MROH9: variants seen among roughly 807,000 people sequenced by gnomAD.
The protein encoded by MROH9 is maestro heat-like repeat-containing protein family member 9.
MROH9 carries 92 observed loss-of-function variants against 98.2 expected under a neutral mutation model. The observed-to-expected ratio is 0.94, with a 90% CI of 0.79 to 1.11. The LOEUF (loss-of-function observed/expected upper bound fraction) is 1.11, where lower values mean the gene tolerates loss of function less well. Ranked by LOEUF, MROH9 falls within the 50% of genes most tolerant of loss-of-function variation. MROH9 has a pLI of 0.00. For synonymous variants in MROH9, 397 were observed against 368.9 expected, an observed-to-expected ratio of 1.08 and a Z score of -0.87; for missense variants, 1,057 against 1,014.8, an observed-to-expected ratio of 1.04 and a Z score of -0.57.
intron 20 of MROH9, among the ~76,000 whole-genome samples, chr1:171,040,805 T>C (rs1653271709): frequency 6.6e-6 from 1 of 152,124 alleles, no homozygotes. Context: ...TCCATCTGGT[T>C]GTTAAAATCA....
intron 17 of MROH9, among the ~76,000 whole-genome samples, chr1:171,022,403 A>G (rs1264043444): frequency 6.6e-6 from 1 of 152,214 alleles, no homozygotes; most frequent in Non-Finnish European, 1.5e-5. Context: ...TACACCGTGG[A>G]CTACTATGCA....
intron 8 of MROH9, among the ~76,000 whole-genome samples, chr1:170,981,662 C>T (rs1650934734): frequency 6.6e-6 from 1 of 151,294 alleles, no homozygotes; most frequent in Non-Finnish European, 1.5e-5. Context: ...GTGCAGCAAA[C>T]CACCACAGCA....
At position 171,059,407 on chromosome 1, in the gene MROH9, G is replaced by T. The variant is rs1332626040; in HGVS notation, c.2282-2725G>T. On this transcript the variant is annotated intron_variant, in intron 20 of 21. Transcript: ENST00000367759. ...AGAAACAATAGATGCTGGCGAGGCT[G>T]TGGAGAAATAGGAATGCTTTTACAC... Among the ~76,000 whole-genome samples the T allele has an allele frequency of 4.6e-5, 7 of 152,348 alleles. No homozygotes were observed. The South Asian group carries it at 6.2e-4, about 14-fold the overall frequency.
At chr1:171,019,642 C>G (rs1340958691) in intron 17 of MROH9, among the ~76,000 whole-genome samples, 1 of 150,292 alleles carries the variant, frequency 6.7e-6, no homozygotes, top group Non-Finnish European at 1.5e-5. Flanking sequence ...CAGAACGAGA[C>G]TCCATCAAAA....
At chr1:170,953,185 T>A (rs1351095747) in intron 3 of MROH9, among the ~76,000 whole-genome samples, 2 of 152,130 alleles carry the variant, frequency 1.3e-5, no homozygotes, top group African/African-American at 4.8e-5. Context: ...TTAGTAAAGT[T>A]TTTTCTTCAT....
At chr1:171,016,647 T>C (rs960173820) in intron 17 of MROH9, among the ~76,000 whole-genome samples, 3 of 152,136 alleles carry the variant, frequency 2.0e-5, no homozygotes, top group African/African-American at 7.2e-5. Flanking sequence ...CACCTCTTAT[T>C]GGCTATGAAA....
At chr1:171,017,176 A>G (rs1424350803) in intron 17 of MROH9, among the ~76,000 whole-genome samples, 10 of 152,262 alleles carry the variant, frequency 6.6e-5, no homozygotes. Flanking sequence ...AAGCAGCAGC[A>G]TCCGGAAGCT....
intron 20 of MROH9, among the ~76,000 whole-genome samples, chr1:171,027,042 T>A (rs1344868806): frequency 1.3e-5 from 2 of 152,200 alleles, no homozygotes; most frequent in Non-Finnish European, 2.9e-5. Context: ...TTGAGAAATG[T>A]TAGCAAAATC....
chr1:170,953,040 A>G (rs1468240562), intron 3 of MROH9, among the ~76,000 whole-genome samples: 1 of 152,122 alleles, frequency 6.6e-6, no homozygotes, highest in African/African-American at 2.4e-5. Flanking sequence ...TTTGAAATAT[A>G]CTTGTCAAAT....
At chr1:170,983,342 A>G in intron 8 of MROH9, 80 bp from the exon 9 acceptor site, 1 of 989,844 alleles carries the variant, frequency 1.0e-6, no homozygotes, top group Non-Finnish European at 1.5e-6. Flanking sequence ...TGGGCAGGAA[A>G]AGAAAATTGG....
intron 20 of MROH9, among the ~76,000 whole-genome samples, chr1:171,043,638 G>A (rs76763766): frequency 0.01 from 1,586 of 151,362 alleles, 29 homozygotes; most frequent in African/African-American, 0.036. Flanking sequence ...TCATTTCTTG[G>A]TGTCTTCTTC....
intron 20 of MROH9, among the ~76,000 whole-genome samples, chr1:171,059,962 A>G (rs1653964057): frequency 6.6e-6 from 1 of 152,036 alleles, no homozygotes; most frequent in African/African-American, 2.4e-5. Context: ...AAGGTTATAT[A>G]TGCACTCACA....
intron 1 of MROH9, among the ~76,000 whole-genome samples, chr1:170,937,745 G>A (rs915341424): frequency 5.9e-5 from 9 of 151,760 alleles, no homozygotes; most frequent in South Asian, 2.1e-4. Context: ...GGATGGTCTC[G>A]ATCTCCTGAC....
At chr1:170,971,906 T>C (rs756079922) in intron 8 of MROH9, 23 bp downstream of exon 8, 1 of 1,610,516 alleles carries the variant, frequency 6.2e-7, no homozygotes, top group South Asian at 1.1e-5. Flanking sequence ...CACCATCTTT[T>C]CTCAGGATTA....
chr1:171,034,465 G>A (rs886893753), intron 20 of MROH9, among the ~76,000 whole-genome samples: 5 of 152,120 alleles, frequency 3.3e-5, no homozygotes, highest in Admixed American at 2.6e-4. Flanking sequence ...GCTGACCTCT[G>A]CATTCTGTAT....
rs545355583 is a variant in MROH9, at chr1:171,051,162, T to C, written c.2282-10970T>C. ...GTGGGAATGTGAATTAGTTCAAACA[T>C]TGTGTAAGACATTGTGATATTTCCT... On this transcript the variant is annotated intron_variant, in intron 20 of 21. Transcript: ENST00000367759. Among the ~76,000 whole-genome samples, 8 of 152,294 alleles carry C rather than the reference T, an allele frequency of 5.3e-5. No homozygotes were observed. In the South Asian group the frequency reaches 1.7e-3, roughly 32 times the overall value.
In MROH9 at chr1:171,025,400, G is replaced by A. The variant is rs1652674740; in HGVS notation, c.2261G>A (p.Arg754Lys). Residue 754 changes from arginine (R) to lysine (K), a missense_variant, in exon 20 of 22, where the codon AGG becomes AAG. Transcript: ENST00000367759. ...TGGAGCCCCAGAACATATCTTAAGA[G>A]GGCATCGGTTATTTTGATAGGTAAA... ...FLWSPRTYLKRASVILIGYLA... is the reference protein window; with the variant it reads ...FLWSPRTYLKKASVILIGYLA... 1.3e-6 allele frequency: 2 copies of A among 1,547,066 alleles called. No individual in the cohort carries two copies. The highest frequency in any genetic ancestry group is 1.2e-5 in the South Asian group (1 of 83,958).
At chr1:170,987,388 T>C (rs1435117643) in intron 10 of MROH9, among the ~76,000 whole-genome samples, 3 of 152,200 alleles carry the variant, frequency 2.0e-5, no homozygotes, top group African/African-American at 7.2e-5. Context: ...GGCTACATAA[T>C]TTGTGGGGCT....
intron 20 of MROH9, among the ~76,000 whole-genome samples, chr1:171,038,932 A>AG (rs1653199287): frequency 6.6e-6 from 1 of 152,166 alleles, no homozygotes; most frequent in South Asian, 2.1e-4. Flanking sequence ...TTATTCATGA[A>AG]GAAAAAAAAA....
Sources: allele counts gnomAD v4.1 joint callset (sites outside exome capture counted in the v4.1 genomes callset), GRCh38; gene constraint gnomAD v4.1.1; transcripts MANE v1.5; gene names NCBI Gene and HGNC (gene_info 2026-07-23, HGNC 2026-07-21).